Variants in ATXN7L1 observed in about 807,000 individuals in gnomAD.
The protein encoded by ATXN7L1 is ataxin-7-like protein 1.
In ATXN7L1, 15 loss-of-function variants were observed where a neutral mutation model predicts 70.8. The observed-to-expected ratio is 0.21, with a 90% confidence interval of 0.14 to 0.33. ATXN7L1 has a LOEUF of 0.33. ATXN7L1 is among the 10% of genes least tolerant of loss of function. The pLI is 1.00. For synonymous variants in ATXN7L1, 440 were observed against 445.1 expected (o/e 0.99, Z 0.14); for missense variants, 975 against 1,097.1 (o/e 0.89, Z 1.57).
chr7:105,663,063 G>A (rs996305789), intron 4 of ATXN7L1, among the ~76,000 whole-genome samples: 2 of 152,194 alleles, frequency 1.3e-5, no homozygotes, highest in African/African-American at 4.8e-5. Context: ...CCAGGCCAGT[G>A]ACTCCAGAGC....
chr7:105,716,354 A>T (rs1480630268), intron 3 of ATXN7L1, among the ~76,000 whole-genome samples: 1 of 152,166 alleles, frequency 6.6e-6, no homozygotes, highest in Non-Finnish European at 1.5e-5. Flanking sequence ...AAACCTGAGC[A>T]GACCTCATCT....
At chr7:105,873,389 A>T (rs1255092780) in intron 2 of ATXN7L1, among the ~76,000 whole-genome samples, 8 of 152,234 alleles carry the variant, frequency 5.3e-5, no homozygotes, top group Admixed American at 5.2e-4. Flanking sequence ...GCAGTGACCC[A>T]TCCACAAACA....
intron 7 of ATXN7L1, among the ~76,000 whole-genome samples, chr7:105,627,066 T>A (rs1023422720): frequency 2.0e-5 from 3 of 152,192 alleles, no homozygotes; most frequent in Non-Finnish European, 4.4e-5. Flanking sequence ...AAATCTTCTG[T>A]TGATGAAGAT....
At chr7:105,803,591 T>C (rs1463255901) in intron 2 of ATXN7L1, among the ~76,000 whole-genome samples, 3 of 152,210 alleles carry the variant, frequency 2.0e-5, no homozygotes, top group Non-Finnish European at 4.4e-5. Context: ...AATGGGTCCA[T>C]ACCTAACTGT....
At position 105,694,116 on chromosome 7, in the gene ATXN7L1, T is replaced by C. The variant is rs535814108; in HGVS notation, c.356-28828A>G. ...AGGCTGGAGTGCAGTGGTGCCATCT[T>C]GGCTCACTGCAACCTCCGCCTCCCG... On this transcript the variant is annotated intron_variant, in intron 3 of 11. Coordinates refer to ENST00000419735, the MANE Select transcript of ATXN7L1 (RefSeq NM_020725.2). 2.0e-5 allele frequency among the ~76,000 whole-genome samples: 3 copies of C among 151,756 alleles called. 1 individual carries two copies. Among genetic ancestry groups the C allele is most frequent in the Middle Eastern group, 3.4e-3 (1 of 294 alleles).
In ATXN7L1 at chr7:105,665,069, G is replaced by A. The variant is rs766815332; in HGVS notation, c.575C>T (p.Pro192Leu). The change falls in exon 4 of 12, where the codon CCA (proline) becomes CTA (leucine). Residue 192 changes from proline to leucine, a missense_variant. Around this residue, in one of 5 missense-constraint regions of ATXN7L1, gnomAD observed 192 missense variants for 215.5 expected, o/e 0.89. Coordinates refer to ENST00000419735, the MANE Select transcript of ATXN7L1 (RefSeq NM_020725.2). ...GGCTGCCAGCCAGCTGACTCACCAT[G>A]GTTTATCCCTTGATCCTTTCGCAGG... ...VFPAKGSRDK[P>L]CVPVPVVSLE... The A allele has an allele frequency of 3.2e-6, 5 of 1,550,406 alleles. No individual in the cohort carries two copies. The highest frequency in any genetic ancestry group is 2.4e-5 in the South Asian group (2 of 83,942).
chr7:105,849,203 G>A (rs983400166), intron 2 of ATXN7L1, among the ~76,000 whole-genome samples: 1 of 152,226 alleles, frequency 6.6e-6, no homozygotes, highest in African/African-American at 2.4e-5. Context: ...AGGGCTTGGA[G>A]GTGTGATTTC....
rs1818452887 is a variant in ATXN7L1 at position 105,872,767 on chromosome 7, A to G, written c.250+3045T>C. 2.0e-5 allele frequency among the ~76,000 whole-genome samples: 3 copies of G among 152,226 alleles called. No individual in the cohort carries two copies. The South Asian group carries it at 6.2e-4, about 32-fold the overall frequency. On this transcript the variant is annotated intron_variant, in intron 2 of 11. Coordinates refer to ENST00000419735, the MANE Select transcript of ATXN7L1 (RefSeq NM_020725.2). ...GATGATAGTTGTGTAATATTATGAA[A>G]GTACTTAGTGCCACTGAATTGTATA... is the stretch of plus-strand genomic sequence containing the variant.
intron 7 of ATXN7L1, among the ~76,000 whole-genome samples, chr7:105,635,874 A>C (rs1797281466): frequency 6.6e-6 from 1 of 151,626 alleles, no homozygotes; most frequent in Non-Finnish European, 1.5e-5. Flanking sequence ...AGTACAGATA[A>C]TCTGTGTAGA....
chr7:105,684,872 G>A (rs553344117), intron 3 of ATXN7L1, among the ~76,000 whole-genome samples: 1 of 152,240 alleles, frequency 6.6e-6, no homozygotes, highest in East Asian at 1.9e-4. Context: ...GGTGTCTCAC[G>A]TGGCCCACAT....
chr7:105,723,981 C>T (rs1242124326), intron 3 of ATXN7L1, among the ~76,000 whole-genome samples: 1 of 152,168 alleles, frequency 6.6e-6, no homozygotes, highest in African/African-American at 2.4e-5. Context: ...GGACTAAAAT[C>T]CTTCTTTGAT....
At chr7:105,759,433 G>A (rs1800232923) in intron 3 of ATXN7L1, among the ~76,000 whole-genome samples, 2 of 146,476 alleles carry the variant, frequency 1.4e-5, no homozygotes, top group African/African-American at 5.1e-5. Flanking sequence ...TAAGAAGACT[G>A]GCAGCTTGGA....
At chr7:105,760,081 G>T in intron 3 of ATXN7L1, 1 of 577,012 alleles carries the variant, frequency 1.7e-6, no homozygotes, top group Non-Finnish European at 2.2e-6. Flanking sequence ...CTTCTGGGAA[G>T]TCTCTCCTTT....
chr7:105,622,869 G>C (rs1408064770), intron 8 of ATXN7L1, among the ~76,000 whole-genome samples: 1 of 152,224 alleles, frequency 6.6e-6, no homozygotes, highest in Non-Finnish European at 1.5e-5. Flanking sequence ...TAATATCGGA[G>C]CAGCAGCTGA....
At chr7:105,636,243 A>T (rs2115884321) in intron 7 of ATXN7L1, among the ~76,000 whole-genome samples, 1 of 152,232 alleles carries the variant, frequency 6.6e-6, no homozygotes, top group South Asian at 2.1e-4. Flanking sequence ...AAAAATACAA[A>T]AATTAGCCAG....
At chr7:105,730,695 G>T (rs570022679) in intron 3 of ATXN7L1, among the ~76,000 whole-genome samples, 1 of 151,678 alleles carries the variant, frequency 6.6e-6, no homozygotes, top group South Asian at 2.1e-4. Flanking sequence ...TCACACCAGT[G>T]CACTCCAGCC....
At chr7:105,770,206 A>C (rs1801795901) in intron 3 of ATXN7L1, among the ~76,000 whole-genome samples, 1 of 152,246 alleles carries the variant, frequency 6.6e-6, no homozygotes, top group African/African-American at 2.4e-5. Context: ...CATAAATGGA[A>C]AGCATAGATG....
chr7:105,624,169 C>A lies in ATXN7L1; in HGVS notation c.1301G>T (p.Ser434Ile). 6.5e-7 allele frequency: 1 copy of A among 1,533,162 alleles called. No individual in the cohort carries two copies. The highest frequency in any genetic ancestry group is 1.4e-5 in the African/African-American group (1 of 72,446). 95.0% of individuals were successfully genotyped at this position (1,533,162 alleles called of 1,614,324 possible). The change falls in exon 8 of 12, where the codon AGC becomes ATC. Residue 434 changes from serine (S) to isoleucine (I), a missense_variant. Ser to Ile is a moderately radical substitution (Grantham distance 142). This residue lies in a region of ATXN7L1 where 635 missense variants were observed against 699.4 expected (regional missense o/e 0.91). Coordinates refer to ENST00000419735, the MANE Select transcript of ATXN7L1 (RefSeq NM_020725.2). ...CTCCCCTTCATCACTGGACAGTCGG[C>A]TGGCGAGGTCACCTCCAACCGGTGG... ...PLPPVGGDLA[S>I]RLSSDEGEMD...
At chr7:105,616,354 T>C (rs992822613) in intron 9 of ATXN7L1, among the ~76,000 whole-genome samples, 2 of 152,176 alleles carry the variant, frequency 1.3e-5, no homozygotes, top group African/African-American at 4.8e-5. Context: ...AGCGTTCCTC[T>C]CTGAAGATTC....
Sources: allele counts gnomAD v4.1 joint callset (sites outside exome capture counted in the v4.1 genomes callset), GRCh38; gene constraint gnomAD v4.1.1; regional missense constraint gnomAD v4.1.1; transcripts MANE v1.5; gene names NCBI Gene and HGNC (gene_info 2026-07-23, HGNC 2026-07-21).